The following FHOD3 variants were observed in gnomAD, a reference collection of about 807,000 sequenced individuals.
FHOD3 encodes the protein FH1/FH2 domain-containing protein 3.
In FHOD3, 90 loss-of-function variants were observed where a neutral mutation model predicts 173.0. The observed-to-expected ratio is 0.52, with a 90% confidence interval of 0.44 to 0.62. The LOEUF is 0.62. FHOD3 is among the 20% of genes least tolerant of loss of function. The pLI, the probability that FHOD3 is intolerant of heterozygous loss-of-function variation, is 0.00. For missense variants in FHOD3, 1,945 were observed against 2,034.7 expected, an observed-to-expected ratio of 0.96 and a Z score of 0.85; for synonymous variants, 828 against 823.0, an observed-to-expected ratio of 1.01 and a Z score of -0.10.
chr18:36,678,546 AAAGAAG>A (rs1433335399), intron 14 of FHOD3, among the ~76,000 whole-genome samples: 2 of 145,532 alleles, frequency 1.4e-5, no homozygotes, highest in Non-Finnish European at 3.1e-5. Context: ...AAAAAAAAAA[AAAGAAG>A]AAAGAAAGAA....
intron 5 of FHOD3, among the ~76,000 whole-genome samples, chr18:36,548,635 C>T (rs1023179935): frequency 3.9e-5 from 6 of 152,204 alleles, no homozygotes; most frequent in Non-Finnish European, 7.3e-5. Context: ...TACCTTCTGT[C>T]ACTATGCATT....
intron 1 of FHOD3, among the ~76,000 whole-genome samples, chr18:36,327,080 G>A (rs1169985308): frequency 1.3e-5 from 2 of 152,200 alleles, no homozygotes; most frequent in Non-Finnish European, 2.9e-5. Flanking sequence ...TTTGAATTGG[G>A]AGATTTTCCT....
At chr18:36,560,039 T>A (rs1599657172) in intron 5 of FHOD3, among the ~76,000 whole-genome samples, 1 of 152,162 alleles carries the variant, frequency 6.6e-6, no homozygotes, top group East Asian at 1.9e-4. Context: ...CAGCAGACTT[T>A]TTTACATGCT....
chr18:36,776,575 G>C (rs1202365404), intron 28 of FHOD3, among the ~76,000 whole-genome samples: 1 of 152,188 alleles, frequency 6.6e-6, no homozygotes, highest in Non-Finnish European at 1.5e-5. Flanking sequence ...ATATATCTAA[G>C]AGAATTTTTT....
intron 1 of FHOD3, among the ~76,000 whole-genome samples, chr18:36,332,694 G>A (rs928700011): frequency 2.6e-5 from 4 of 152,230 alleles, no homozygotes; most frequent in African/African-American, 9.6e-5. Flanking sequence ...GCACCTGCTA[G>A]GCAGGTTCTG....
chr18:36,719,469 C>T (rs112048625), intron 19 of FHOD3, among the ~76,000 whole-genome samples: 4,030 of 152,308 alleles, frequency 0.026, 96 homozygotes, highest in East Asian at 0.092. Context: ...TAATTCCCTA[C>T]ATTAGTAGAG....
At chr18:36,492,165 A>G (rs986162482) in intron 3 of FHOD3, among the ~76,000 whole-genome samples, 3 of 152,066 alleles carry the variant, frequency 2.0e-5, no homozygotes, top group African/African-American at 7.2e-5. Context: ...ATTTATTGAC[A>G]TATTAGATGC....
chr18:36,556,024 A>G (rs1312863732), intron 5 of FHOD3, among the ~76,000 whole-genome samples: 2 of 152,002 alleles, frequency 1.3e-5, no homozygotes, highest in Non-Finnish European at 2.9e-5. Context: ...TAGATCTTTT[A>G]TATTTATTGT....
At chr18:36,348,407 T>A (rs1598795288) in intron 1 of FHOD3, among the ~76,000 whole-genome samples, 2 of 152,094 alleles carry the variant, frequency 1.3e-5, no homozygotes, top group African/African-American at 4.8e-5. Context: ...AGAGGTAGGG[T>A]CCACAGCAAC....
intron 1 of FHOD3, among the ~76,000 whole-genome samples, chr18:36,315,542 A>G (rs1482004690): frequency 6.6e-6 from 1 of 152,038 alleles, no homozygotes; most frequent in Non-Finnish European, 1.5e-5. Flanking sequence ...TGTGGGGGTT[A>G]AGGGGTCCTG....
intron 1 of FHOD3, among the ~76,000 whole-genome samples, chr18:36,349,432 A>G (rs1299688761): frequency 6.6e-6 from 1 of 152,240 alleles, no homozygotes; most frequent in African/African-American, 2.4e-5. Context: ...GGGGGAACCA[A>G]TGAAGTGCCA....
intron 6 of FHOD3, among the ~76,000 whole-genome samples, chr18:36,589,788 T>C (rs906738864): frequency 6.6e-6 from 1 of 152,164 alleles, no homozygotes; most frequent in South Asian, 2.1e-4. Context: ...CTTGTTGCCC[T>C]GTACTCCTGT....
At chr18:36,472,654 A>C (rs953175260) in intron 3 of FHOD3, among the ~76,000 whole-genome samples, 3 of 152,212 alleles carry the variant, frequency 2.0e-5, no homozygotes, top group African/African-American at 7.2e-5. Flanking sequence ...ATATATACAG[A>C]ATCATATAAT....
intron 7 of FHOD3, among the ~76,000 whole-genome samples, chr18:36,599,738 G>A (rs1268799667): frequency 5.3e-5 from 8 of 152,154 alleles, no homozygotes; most frequent in Non-Finnish European, 1.2e-4. Context: ...AGGACTGGCC[G>A]GGGAGTCAGT....
intron 3 of FHOD3, among the ~76,000 whole-genome samples, chr18:36,423,913 C>T (rs138873005): frequency 2.3e-4 from 35 of 152,234 alleles, no homozygotes; most frequent in African/African-American, 7.7e-4. Flanking sequence ...TTGTAAAACC[C>T]GTATTTGTTT....
intron 1 of FHOD3, among the ~76,000 whole-genome samples, chr18:36,317,194 G>A (rs1013265723): frequency 2.6e-5 from 4 of 152,162 alleles, no homozygotes; most frequent in African/African-American, 9.7e-5. Context: ...ACATGTGCAT[G>A]TGTCTTTATA....
intron 3 of FHOD3, among the ~76,000 whole-genome samples, chr18:36,396,506 TTC>T (rs2048561581): frequency 6.6e-6 from 1 of 152,210 alleles, no homozygotes. Flanking sequence ...TTATTTAGTT[TTC>T]TGTCCTAGTT....
At position 36,780,015 on chromosome 18, in the gene FHOD3, T is replaced by C. The variant is rs1198023439; in HGVS notation, c.*485T>C. 12 of 594,682 alleles carry C rather than the reference T, an allele frequency of 2.0e-5. No homozygotes were observed. In the East Asian group the frequency reaches 4.1e-4, roughly 21 times the overall value. The allele number at this position is 594,682 out of a possible 1,614,324, so 36.8% of individuals were successfully genotyped here. Reference sequence around the variant, plus strand: ...AAATGTTTATACAAATACATACATGTACACCATGTTTCAAATACTAAATAA... The same window carrying C: ...AAATGTTTATACAAATACATACATGCACACCATGTTTCAAATACTAAATAA... On this transcript the variant is annotated 3_prime_UTR_variant, in exon 29 of 29. Transcript: ENST00000590592.
At chr18:36,686,557 C>T (rs1039228123) in intron 15 of FHOD3, among the ~76,000 whole-genome samples, 5 of 151,058 alleles carry the variant, frequency 3.3e-5, no homozygotes, top group Admixed American at 1.3e-4. Flanking sequence ...ACTTAGGTGA[C>T]GGGTTGATAG....
Sources: allele counts gnomAD v4.1 joint callset (sites outside exome capture counted in the v4.1 genomes callset), GRCh38; gene constraint gnomAD v4.1.1; transcripts MANE v1.5; gene names NCBI Gene and HGNC (gene_info 2026-07-23, HGNC 2026-07-21).